The following PCDHGB6 variants were observed in gnomAD, a reference collection of about 807,000 sequenced individuals.
PCDHGB6 encodes protocadherin gamma-B6.
Under a neutral mutation model 59.1 loss-of-function variants are expected in PCDHGB6, and 51 were observed. The observed-to-expected ratio is 0.86, with a 90% CI of 0.69 to 1.09. The LOEUF is 1.09. PCDHGB6 is among the 50% of genes least tolerant of loss of function. The probability of loss-of-function intolerance (pLI) is 0.00; values close to 1 mark genes in which losing one functional copy is unlikely to be tolerated. For missense variants in PCDHGB6, 1,148 were observed against 1,205.1 expected (o/e 0.95, Z 0.70); for synonymous variants, 466 against 495.1 (o/e 0.94, Z 0.78).
At position 141,431,747 on chromosome 5, in the gene PCDHGB6, C is replaced by T. The variant is rs371020840; in HGVS notation, c.2418+21127C>T. The T allele has an allele frequency of 5.0e-6, 8 of 1,614,064 alleles. No individual in the cohort carries two copies. In the Admixed American group the frequency reaches 5.0e-5, roughly 10 times the overall value. On this transcript the variant is annotated intron_variant, in intron 1 of 3. Transcript: ENST00000520790. This position sits in a 1 kb window ranked among gnomAD's most constrained non-coding sequence, Gnocchi z 4.8. ...AATGGATAATGCAGGATATTCTGCG[C>T]GAGCCAAAGTCCTGATCACTGTTCT...
At position 141,477,579 on chromosome 5, in the gene PCDHGB6, A is replaced by G. The variant is rs774773400; in HGVS notation, c.2419-17228A>G. The stretch of plus-strand genomic sequence containing the variant: ...AGTGTCTGGGACCCCGACGCCCCGC[A>G]GAATGCTCGGCTTTCTTTCTTTCTC... On this transcript the variant is annotated intron_variant, in intron 1 of 3. Coordinates refer to ENST00000520790, the MANE Select transcript of PCDHGB6 (RefSeq NM_018926.3). The surrounding 1 kb of genome is among the most constrained non-coding windows in gnomAD (Gnocchi z 4.9). The G allele has an allele frequency of 1.7e-5, 27 of 1,614,036 alleles. No individual in the cohort carries two copies. The highest frequency in any genetic ancestry group is 2.0e-5 in the Non-Finnish European group (24 of 1,180,036).
At chr5:141,500,223 T>TTG (rs1227708024) in intron 2 of PCDHGB6, among the ~76,000 whole-genome samples, 1 of 145,320 alleles carries the variant, frequency 6.9e-6, no homozygotes, top group Non-Finnish European at 1.5e-5. Flanking sequence ...TTTATTTATT[T>TTG]ATTGATACGT....
chr5:141,459,795 C>T (rs1394778891), intron 1 of PCDHGB6, among the ~76,000 whole-genome samples: 1 of 152,190 alleles, frequency 6.6e-6, no homozygotes, highest in Non-Finnish European at 1.5e-5. Flanking sequence ...AACTGTTTTT[C>T]CCTGTTGACT....
chr5:141,511,093 G>A lies in PCDHGB6; in HGVS notation c.2713G>A (p.Ala905Thr), dbSNP rs377350933. The change falls in exon 4 of 4, where the codon GCA (alanine) becomes ACA (threonine). Residue 905 changes from alanine to threonine, a missense_variant. Physicochemically the swap from Ala to Thr is moderately conservative, Grantham distance 58. Coordinates refer to ENST00000520790, the MANE Select transcript of PCDHGB6 (RefSeq NM_018926.3). Reference protein sequence around the residue: ...IPGSNATLTNAAGKRDGKAPA... With the variant: ...IPGSNATLTNTAGKRDGKAPA... ...AGGCAGCAATGCCACACTGACCAACGCAGCTGGCAAGCGGGATGGCAAGGC... is the reference window on the plus strand; with the variant it reads ...AGGCAGCAATGCCACACTGACCAACACAGCTGGCAAGCGGGATGGCAAGGC... 8 of 1,614,072 alleles carry A rather than the reference G, an allele frequency of 5.0e-6. No individual in the cohort carries two copies. Among genetic ancestry groups the A allele is most frequent in the African/African-American group, 4.0e-5 (3 of 74,916 alleles).
intron 1 of PCDHGB6, among the ~76,000 whole-genome samples, chr5:141,435,794 C>T (rs993951734): frequency 2.6e-5 from 4 of 151,934 alleles, no homozygotes; most frequent in Admixed American, 6.6e-5. Flanking sequence ...GGAAACATAA[C>T]GTCCCAATTA....
rs2097370658 is a variant in PCDHGB6 at position 141,431,413 on chromosome 5, C to T, written c.2418+20793C>T. The T allele has an allele frequency of 1.2e-6, 2 of 1,613,564 alleles. No homozygotes were observed. Among genetic ancestry groups the T allele is most frequent in the African/African-American group, 2.7e-5 (2 of 74,952 alleles). ...TGGTCCTTACGGCCTCCGACGGGGG[C>T]GACCCGGTGCGCACAGGCACCGCGC... On this transcript the variant is annotated intron_variant, in intron 1 of 3. Transcript: ENST00000520790. This position sits in a 1 kb window ranked among gnomAD's most constrained non-coding sequence, Gnocchi z 4.8.
rs1265386524 is a variant in PCDHGB6 at position 141,409,130 on chromosome 5, G to T, written c.928G>T (p.Glu310Ter). The change falls in exon 1 of 4, where the codon GAA becomes TAA. Residue 310 changes from glutamate (E) to a stop codon, truncating the protein, a stop_gained. Transcript: ENST00000520790. LOFTEE classifies it high-confidence loss of function. ...TAAGAATAACCAGTCATTTGATTTTGAAGATGTAGAAAGGTACACCATGGA... is the reference window on the plus strand; with the variant it reads ...TAAGAATAACCAGTCATTTGATTTTTAAGATGTAGAAAGGTACACCATGGA... ...MIKNNQSFDF[E>*]DVERYTMEVE... 6.2e-7 allele frequency: 1 copy of T among 1,613,994 alleles called. No homozygotes were observed. Among genetic ancestry groups the T allele is most frequent in the Admixed American group, 1.7e-5 (1 of 60,024 alleles).
chr5:141,428,594 G>A (rs1317075888), intron 1 of PCDHGB6: 4 of 227,916 alleles, frequency 1.8e-5, no homozygotes, highest in African/African-American at 9.1e-5. Context: ...CTGGTAGCAA[G>A]CTTCACTGAA....
chr5:141,471,046 C>CTTTT (rs1170588345), intron 1 of PCDHGB6, among the ~76,000 whole-genome samples: 3 of 113,278 alleles, frequency 2.6e-5, no homozygotes, highest in African/African-American at 7.1e-5. Flanking sequence ...CCCAAGCCCT[C>CTTTT]TTTTTTTTTT....
At chr5:141,483,737 G>T (rs1052778197) in intron 1 of PCDHGB6, among the ~76,000 whole-genome samples, 1 of 152,102 alleles carries the variant, frequency 6.6e-6, no homozygotes, top group Admixed American at 6.5e-5. Flanking sequence ...TAGTCAAAAG[G>T]ATATTCCTGA....
At chr5:141,418,409 G>T in intron 1 of PCDHGB6, 1 of 1,613,910 alleles carries the variant, frequency 6.2e-7, no homozygotes, top group Non-Finnish European at 8.5e-7. Flanking sequence ...GGTGGAGAAA[G>T]ACAATCCTGA....
chr5:141,421,348 G>C lies in PCDHGB6; in HGVS notation c.2418+10728G>C, dbSNP rs202220769. On this transcript the variant is annotated intron_variant, in intron 1 of 3. Coordinates refer to ENST00000520790, the MANE Select transcript of PCDHGB6 (RefSeq NM_018926.3). ...CCGATATTCGGTGCCAGAAGAGACC[G>C]AAAAGGGCTCCTTCGTGGGCAATAT... 9.1e-5 allele frequency: 147 copies of C among 1,613,862 alleles called. No individual in the cohort carries two copies. Among genetic ancestry groups the C allele is most frequent in the Non-Finnish European group, 1.1e-4 (125 of 1,179,904 alleles).
At position 141,490,742 on chromosome 5, in the gene PCDHGB6, C is replaced by A. The variant is rs1281337347; in HGVS notation, c.2419-4065C>A. 1.2e-6 allele frequency: 2 copies of A among 1,614,062 alleles called. No homozygotes were observed. Among genetic ancestry groups the A allele is most frequent in the Non-Finnish European group, 1.7e-6 (2 of 1,180,022 alleles). On this transcript the variant is annotated intron_variant, in intron 1 of 3. Coordinates refer to ENST00000520790, the MANE Select transcript of PCDHGB6 (RefSeq NM_018926.3). This position sits in a 1 kb window ranked among gnomAD's most constrained non-coding sequence, Gnocchi z 5.4. ...ATTGTAGGAAATCAGGTTCAGGGAGCCCCAGCCTCCTCCTTTGTGTATGTC... is the reference window on the plus strand; with the variant it reads ...ATTGTAGGAAATCAGGTTCAGGGAGACCCAGCCTCCTCCTTTGTGTATGTC...
Position 141,491,755 on chromosome 5 carries a change from G to A in PCDHGB6, c.2419-3052G>A. On this transcript the variant is annotated intron_variant, in intron 1 of 3. Transcript: ENST00000520790. This position sits in a 1 kb window ranked among gnomAD's most constrained non-coding sequence, Gnocchi z 6.9. Reference sequence around the variant, plus strand: ...CCCTGGGGGCGGCACTGGAGAAGCCGCCCGTCCTCATAAGGGATTGAACTT... The same window carrying A: ...CCCTGGGGGCGGCACTGGAGAAGCCACCCGTCCTCATAAGGGATTGAACTT... 6 of 1,582,196 alleles carry A rather than the reference G, an allele frequency of 3.8e-6. No individual in the cohort carries two copies. The highest frequency in any genetic ancestry group is 5.1e-6 in the Non-Finnish European group (6 of 1,165,450).
intron 2 of PCDHGB6, among the ~76,000 whole-genome samples, chr5:141,501,290 T>TACAC (rs55762287): frequency 0.051 from 6,975 of 136,060 alleles, 192 homozygotes; most frequent in African/African-American, 0.071. Context: ...TATTCCCTTA[T>TACAC]ACACACACAC....
rs1254986724 is a variant in PCDHGB6, at chr5:141,490,928, C to G, written c.2419-3879C>G. ...CTAGACGAGAATGATAATGCCCCAGCTGTGCTGCACCCACGGCCAGACTGG... is the reference window on the plus strand; with the variant it reads ...CTAGACGAGAATGATAATGCCCCAGGTGTGCTGCACCCACGGCCAGACTGG... On this transcript the variant is annotated intron_variant, in intron 1 of 3. Transcript: ENST00000520790. The surrounding 1 kb of genome is among the most constrained non-coding windows in gnomAD (Gnocchi z 5.4). 2 of 1,613,466 alleles carry G rather than the reference C, an allele frequency of 1.2e-6. No homozygotes were observed. Among genetic ancestry groups the G allele is most frequent in the Non-Finnish European group, 1.7e-6 (2 of 1,179,624 alleles).
At chr5:141,427,120 TC>T (rs1212765591) in intron 1 of PCDHGB6, 1 of 457,342 alleles carries the variant, frequency 2.2e-6, no homozygotes, top group African/African-American at 2.0e-5. Context: ...ACCTACTCTT[TC>T]AAATCCCTAC....
At position 141,419,393 on chromosome 5, in the gene PCDHGB6, G is replaced by C; in HGVS notation, c.2418+8773G>C. On this transcript the variant is annotated intron_variant, in intron 1 of 3. Transcript: ENST00000520790. ...CTACGTGTCCGTGAGCGCGCAGAGC[G>C]GGGTGGTGTTCGCGCAGCGCGCCTT... 1.2e-6 allele frequency: 2 copies of C among 1,613,620 alleles called. No homozygotes were observed. The highest frequency in any genetic ancestry group is 1.7e-6 in the Non-Finnish European group (2 of 1,179,912).
chr5:141,460,224 T>C (rs986301555), intron 1 of PCDHGB6, among the ~76,000 whole-genome samples: 1 of 152,168 alleles, frequency 6.6e-6, no homozygotes, highest in African/African-American at 2.4e-5. Context: ...GTTGTGTCTT[T>C]TGAAGAGCAG....
Sources: gnomAD v4.1 joint callset for allele counts (sites outside exome capture counted in the v4.1 genomes callset) on GRCh38, gnomAD v4.1.1 for gene constraint, Gnocchi (gnomAD v3.1) non-coding constraint, MANE v1.5 for transcripts, NCBI Gene and HGNC (gene_info 2026-07-23, HGNC 2026-07-21) for gene names.